MICALL1: variants seen among roughly 807,000 people sequenced by gnomAD.
MICALL1 encodes the protein MICAL like 1.
Under a neutral mutation model 83.7 loss-of-function variants are expected in MICALL1, and 61 were observed. That is an observed-to-expected ratio of 0.73 (90% CI 0.59 to 0.90). The LOEUF is 0.90. Ranked by LOEUF, MICALL1 falls within the 40% of genes least tolerant of loss-of-function variation. MICALL1 has a pLI of 0.00. For missense variants in MICALL1, 1,066 were observed against 1,152.0 expected (o/e 0.93, Z 1.08); for synonymous variants, 481 against 473.6 (o/e 1.02, Z -0.20).
At chr22:37,916,485 C>T (rs559755758) in intron 3 of MICALL1, among the ~76,000 whole-genome samples, 5 of 152,320 alleles carry the variant, frequency 3.3e-5, no homozygotes, top group African/African-American at 9.6e-5. Context: ...TCGACTCCCC[C>T]AGATGGTCCT....
At position 37,932,736 on chromosome 22, in the gene MICALL1, C is replaced by T. The variant is rs1023297157; in HGVS notation, c.2143+57C>T. ...GGGGCTGGGGGCAGGAGCCTCTATT[C>T]CCCGGGGAACTGAGCCAGGCATGGC... is the stretch of plus-strand genomic sequence containing the variant. On this transcript the variant is annotated intron_variant, in intron 11 of 15. Coordinates refer to ENST00000215957, the MANE Select transcript of MICALL1 (RefSeq NM_033386.4). This position sits in a 1 kb window ranked among gnomAD's most constrained non-coding sequence, Gnocchi z 4.4. The T allele has an allele frequency of 3.1e-6, 5 of 1,612,688 alleles. No homozygotes were observed. Among genetic ancestry groups the T allele is most frequent in the African/African-American group, 1.3e-5 (1 of 75,012 alleles).
intron 13 of MICALL1, 68 bp downstream of exon 13, chr22:37,933,180 G>A (rs1017887685): frequency 6.5e-7 from 1 of 1,532,850 alleles, no homozygotes. Flanking sequence ...GAGTGGGGGA[G>A]CGGGCAGACA....
Position 37,924,241 on chromosome 22 carries a change from C to G in MICALL1, c.1025-419C>G, listed in dbSNP as rs1929276068. Among the ~76,000 whole-genome samples the G allele has an allele frequency of 6.6e-6, 1 of 152,140 alleles. No homozygotes were observed. The highest frequency in any genetic ancestry group is 1.5e-5 in the Non-Finnish European group (1 of 68,034). On this transcript the variant is annotated intron_variant, in intron 6 of 15. Transcript: ENST00000215957. The surrounding 1 kb of genome is among the most constrained non-coding windows in gnomAD (Gnocchi z 5.2). ...GGTGCTCCCAGTGTTGAGGTGGAGA[C>G]AGGCACAGATGCAAGGGTTTCAGTG...
At chr22:37,938,259 A>G (rs73413995) in intron 15 of MICALL1, among the ~76,000 whole-genome samples, 5,304 of 151,934 alleles carry the variant, frequency 0.035, 302 homozygotes, top group African/African-American at 0.12. Flanking sequence ...GAAATTAGTC[A>G]GGCGTGGTGG....
Position 37,927,415 on chromosome 22 carries a change from C to T in MICALL1, c.1470C>T (p.Leu490=), listed in dbSNP as rs1225553630. The part of the protein sequence containing the change: ...PRAPSASPLA[L]HASRLSHSEP... Reference sequence around the variant, plus strand: ...TCCTGGTGCTCGTCCGCACAGCTCTCCACGCCTCCCGCCTCTCGCACTCGG... The same window carrying T: ...TCCTGGTGCTCGTCCGCACAGCTCTTCACGCCTCCCGCCTCTCGCACTCGG... The change falls in exon 9 of 16, where the codon CTC becomes CTT. Residue 490 remains leucine (L), a synonymous_variant. Transcript: ENST00000215957. The T allele has an allele frequency of 1.3e-6, 2 of 1,579,584 alleles. No individual in the cohort carries two copies. The highest frequency in any genetic ancestry group is 1.7e-6 in the Non-Finnish European group (2 of 1,163,524).
intron 13 of MICALL1, 29 bp from the exon 14 acceptor site, chr22:37,937,051 C>T: frequency 6.5e-7 from 1 of 1,536,762 alleles, no homozygotes; most frequent in Non-Finnish European, 8.8e-7. Flanking sequence ...TCCTACCACT[C>T]ATGCCCCCTA....
intron 9 of MICALL1, 31 bp downstream of exon 9, chr22:37,927,857 A>G (rs1929565230): frequency 1.3e-6 from 2 of 1,569,440 alleles, no homozygotes; most frequent in Middle Eastern, 1.7e-4. Context: ...ACTAAAAGTG[A>G]CATCCTCTCT....
chr22:37,922,663 G>A (rs564060810), intron 6 of MICALL1, among the ~76,000 whole-genome samples: 1 of 132,544 alleles, frequency 7.5e-6, no homozygotes, highest in Non-Finnish European at 1.6e-5. Context: ...AGGCTGGAGT[G>A]CAGTGGCTTG....
At chr22:37,918,484 A>AG (rs1344044027) in intron 4 of MICALL1, among the ~76,000 whole-genome samples, 2 of 152,208 alleles carry the variant, frequency 1.3e-5, no homozygotes. Flanking sequence ...CATGGGGCTG[A>AG]GGCTGGCAGG....
intron 7 of MICALL1, among the ~76,000 whole-genome samples, chr22:37,925,177 G>A (rs1929343756): frequency 6.6e-6 from 1 of 152,138 alleles, no homozygotes; most frequent in Non-Finnish European, 1.5e-5. Flanking sequence ...CCATGTGGTC[G>A]GTCTGTAGGG....
intron 2 of MICALL1, 41 bp downstream of exon 2, chr22:37,912,041 A>T: frequency 6.6e-7 from 1 of 1,517,650 alleles, no homozygotes; most frequent in Non-Finnish European, 9.1e-7. Flanking sequence ...GGCTCTGTGT[A>T]TGTGTGTGTG....
intron 13 of MICALL1, among the ~76,000 whole-genome samples, chr22:37,934,950 G>T (rs1930020017): frequency 6.8e-6 from 1 of 147,268 alleles, no homozygotes; most frequent in South Asian, 2.1e-4. Context: ...TTTATTTTTT[G>T]AGATGGAGTC....
chr22:37,939,773 C>CA (rs147934175), intron 15 of MICALL1, among the ~76,000 whole-genome samples: 17,435 of 43,984 alleles, frequency 0.4, 3,217 homozygotes, highest in Non-Finnish European at 0.44. Flanking sequence ...GTCTCCGTCT[C>CA]AAAAAAAAAA....
intron 1 of MICALL1, among the ~76,000 whole-genome samples, chr22:37,908,187 G>C (rs1218678415): frequency 6.6e-6 from 1 of 152,136 alleles, no homozygotes; most frequent in Non-Finnish European, 1.5e-5. Context: ...CCTCATCTGT[G>C]AGGTGGGATT....
chr22:37,933,331 C>T (rs917288436), intron 13 of MICALL1, among the ~76,000 whole-genome samples: 3 of 152,092 alleles, frequency 2.0e-5, no homozygotes, highest in Admixed American at 6.5e-5. Context: ...GAGAAGGAAC[C>T]GCACAGACAG....
chr22:37,934,537 G>A (rs1017228783), intron 13 of MICALL1, among the ~76,000 whole-genome samples: 1 of 151,594 alleles, frequency 6.6e-6, no homozygotes, highest in Non-Finnish European at 1.5e-5. Context: ...AGGGGCAGTG[G>A]CTGAGGGGGC....
Position 37,906,699 on chromosome 22 carries a change from G to C in MICALL1, c.146+131G>C. On this transcript the variant is annotated intron_variant, in intron 1 of 15. Transcript: ENST00000215957. The surrounding 1 kb of genome is among the most constrained non-coding windows in gnomAD (Gnocchi z 4.4). ...CGGACACGGAGACGCCGACCCCCCC[G>C]ACGGCCCCGGACGCCGGGCGGGTCC... 1.2e-6 allele frequency: 1 copy of C among 827,952 alleles called. No homozygotes were observed. 51.3% of individuals were successfully genotyped at this position (827,952 alleles called of 1,614,324 possible).
Position 37,932,734 on chromosome 22 carries a change from T to A in MICALL1, c.2143+55T>A. On this transcript the variant is annotated intron_variant, in intron 11 of 15. Coordinates refer to ENST00000215957, the MANE Select transcript of MICALL1 (RefSeq NM_033386.4). This position sits in a 1 kb window ranked among gnomAD's most constrained non-coding sequence, Gnocchi z 4.4. The stretch of plus-strand genomic sequence containing the variant: ...GTGGGGCTGGGGGCAGGAGCCTCTA[T>A]TCCCCGGGGAACTGAGCCAGGCATG... 2 of 1,612,650 alleles carry A rather than the reference T, an allele frequency of 1.2e-6. No individual in the cohort carries two copies. The highest frequency in any genetic ancestry group is 1.7e-6 in the Non-Finnish European group (2 of 1,179,348).
intron 1 of MICALL1, among the ~76,000 whole-genome samples, 182 bp from the exon 2 acceptor site, chr22:37,911,770 C>T (rs1256401371): frequency 2.6e-5 from 4 of 152,114 alleles, no homozygotes; most frequent in South Asian, 2.1e-4. Context: ...GCTCTAGCAG[C>T]GAATGTTTGC....
Sources: allele counts gnomAD v4.1 joint callset (sites outside exome capture counted in the v4.1 genomes callset), GRCh38; gene constraint gnomAD v4.1.1; non-coding constraint Gnocchi (gnomAD v3.1); transcripts MANE v1.5; gene names NCBI Gene and HGNC (gene_info 2026-07-23, HGNC 2026-07-21).